STRN3: variants seen among roughly 807,000 people sequenced by gnomAD.
STRN3 encodes the protein striatin-3.
A neutral mutation model predicts 95.6 loss-of-function variants in STRN3; 29 were observed. That is an observed-to-expected ratio of 0.30 (90% CI 0.23 to 0.41). The LOEUF is 0.41. STRN3 is among the 10% of genes least tolerant of loss of function. STRN3 has a pLI of 1.00. For missense variants in STRN3, 890 were observed against 972.1 expected, an observed-to-expected ratio of 0.92 and a Z score of 1.12; for synonymous variants, 331 against 357.6, an observed-to-expected ratio of 0.93 and a Z score of 0.84.
intron 7 of STRN3, among the ~76,000 whole-genome samples, chr14:30,933,043 G>A (rs1313097587): frequency 6.6e-6 from 1 of 151,986 alleles, no homozygotes; most frequent in Non-Finnish European, 1.5e-5. Context: ...GGGAGGCCAA[G>A]GCAGGCAGAC....
At chr14:30,931,594 T>C (rs945108066) in intron 7 of STRN3, among the ~76,000 whole-genome samples, 22 of 152,354 alleles carry the variant, frequency 1.4e-4, no homozygotes, top group African/African-American at 4.6e-4. Context: ...CAGGTGCTAA[T>C]TGTATTTTGT....
chr14:30,980,052 A>G (rs942506450), intron 1 of STRN3, among the ~76,000 whole-genome samples: 41 of 151,100 alleles, frequency 2.7e-4, no homozygotes, highest in African/African-American at 9.9e-4. Context: ...GTTCTAGACC[A>G]TCCTGGCCAA....
At chr14:30,926,326 T>A (rs1361598073) in intron 8 of STRN3, among the ~76,000 whole-genome samples, 1 of 152,026 alleles carries the variant, frequency 6.6e-6, no homozygotes, top group Admixed American at 6.5e-5. Context: ...CTAAGTTAAA[T>A]ACACAAAAAT....
intron 1 of STRN3, among the ~76,000 whole-genome samples, chr14:30,980,173 A>G (rs1881320316): frequency 6.6e-6 from 1 of 151,846 alleles, no homozygotes; most frequent in South Asian, 2.1e-4. Flanking sequence ...TGAGCCCAAG[A>G]GGCGGAGGCT....
At position 30,894,145 on chromosome 14, in the gene STRN3, A is replaced by G. The variant is rs969557925; in HGVS notation, c.*1266T>C. On this transcript the variant is annotated 3_prime_UTR_variant, in exon 18 of 18. Coordinates refer to ENST00000357479, the MANE Select transcript of STRN3 (RefSeq NM_001083893.2). Reference sequence around the variant, plus strand: ...AAAATTAAGCACATCTAAAAAAATAAAACAGGGATAACTAGTCAAAACACA... The same window carrying G: ...AAAATTAAGCACATCTAAAAAAATAGAACAGGGATAACTAGTCAAAACACA... 1 of 152,596 alleles carries G rather than the reference A, an allele frequency of 6.6e-6. No homozygotes were observed. The highest frequency in any genetic ancestry group is 2.4e-5 in the African/African-American group (1 of 41,454). The allele number at this position is 152,596 out of a possible 1,614,324, so 9.5% of individuals were successfully genotyped here. A position where few individuals can be genotyped will look rare whatever the true frequency, so the allele number is the denominator to read the frequency against.
intron 9 of STRN3, among the ~76,000 whole-genome samples, chr14:30,916,783 A>C (rs1896751027): frequency 6.6e-6 from 1 of 152,178 alleles, no homozygotes; most frequent in Admixed American, 6.5e-5. Flanking sequence ...TTCATCAAGT[A>C]AGATAACAAT....
Position 30,990,699 on chromosome 14 carries a change from C to T in STRN3, c.283-34457G>A, listed in dbSNP as rs78629590. On this transcript the variant is annotated intron_variant, in intron 1 of 17. Coordinates refer to ENST00000357479, the MANE Select transcript of STRN3 (RefSeq NM_001083893.2). ...TCAGGACCCTCCTAGGATACCAAAA[C>T]GCAGAGATGCTCAAGCCCTTTATAT... 4.1e-3 allele frequency among the ~76,000 whole-genome samples: 623 copies of T among 152,274 alleles called. 1 individual carries two copies. The highest frequency in any genetic ancestry group is 5.6e-3 in the Non-Finnish European group (379 of 68,026).
intron 14 of STRN3, among the ~76,000 whole-genome samples, chr14:30,906,532 T>C (rs1896464623): frequency 6.6e-6 from 1 of 152,162 alleles, no homozygotes; most frequent in Non-Finnish European, 1.5e-5. Flanking sequence ...TTTATAGGTA[T>C]GCTTGAGACT....
intron 1 of STRN3, among the ~76,000 whole-genome samples, chr14:31,004,167 C>T (rs1305319668): frequency 6.6e-6 from 1 of 151,994 alleles, no homozygotes; most frequent in Admixed American, 6.6e-5. Context: ...CGCCTGTAGT[C>T]CCAGCTACTC....
At chr14:30,953,141 T>C (rs1879734634) in intron 3 of STRN3, among the ~76,000 whole-genome samples, 1 of 152,210 alleles carries the variant, frequency 6.6e-6, no homozygotes, top group South Asian at 2.1e-4. Context: ...ATGTTGAAAT[T>C]AGTTTCCATT....
In STRN3 at chr14:30,978,499, C is replaced by G. The variant is rs1237367555; in HGVS notation, c.283-22257G>C. Among the ~76,000 whole-genome samples, 6 of 152,188 alleles carry G rather than the reference C, an allele frequency of 3.9e-5. No individual in the cohort carries two copies. The East Asian group carries it at 1.2e-3, about 29-fold the overall frequency. ...AAGGATATCTATGAAAAACGTACAG[C>G]TAAATATCATATTTAATTATGAAAA... On this transcript the variant is annotated intron_variant, in intron 1 of 17. Transcript: ENST00000357479.
intron 1 of STRN3, among the ~76,000 whole-genome samples, chr14:30,993,912 G>T (rs926935353): frequency 6.7e-6 from 1 of 149,452 alleles, no homozygotes; most frequent in Admixed American, 6.7e-5. Context: ...TTTCACTCTT[G>T]TTGCCCAGGC....
intron 8 of STRN3, among the ~76,000 whole-genome samples, chr14:30,922,359 C>A (rs1046487307): frequency 6.6e-6 from 1 of 152,030 alleles, no homozygotes; most frequent in African/African-American, 2.4e-5. Flanking sequence ...TGAATACAAC[C>A]CACCTACCTC....
chr14:30,972,882 A>G (rs999842584), intron 1 of STRN3, among the ~76,000 whole-genome samples: 6 of 152,230 alleles, frequency 3.9e-5, no homozygotes, highest in African/African-American at 1.4e-4. Context: ...TACAGCAAAC[A>G]ACAGAGCTAT....
At chr14:30,941,426 G>A (rs1309916428) in intron 5 of STRN3, among the ~76,000 whole-genome samples, 1 of 152,142 alleles carries the variant, frequency 6.6e-6, no homozygotes, top group East Asian at 1.9e-4. Flanking sequence ...GAAAACAGGA[G>A]ACCTCAATGC....
rs1397026173 is a variant in STRN3, at chr14:30,984,142, C to CT, written c.283-27901_283-27900insA. ...CATCTTCCCCGCCCCCCCCAACCCC[C>CT]CCCCACACACAAAGGCCTATAAAAA... On this transcript the variant is annotated intron_variant, in intron 1 of 17. Transcript: ENST00000357479. Among the ~76,000 whole-genome samples, 7 of 137,284 alleles carry CT rather than the reference C, an allele frequency of 5.1e-5. No homozygotes were observed. The East Asian group carries it at 1.3e-3, about 26-fold the overall frequency. 90.1% of individuals were successfully genotyped at this position (137,284 alleles called of 152,430 possible). A position where few individuals can be genotyped will look rare whatever the true frequency, so the allele number is the denominator to read the frequency against.
intron 8 of STRN3, among the ~76,000 whole-genome samples, chr14:30,926,625 A>G (rs1041871035): frequency 6.6e-6 from 1 of 151,794 alleles, no homozygotes; most frequent in Non-Finnish European, 1.5e-5. Flanking sequence ...ATTACTTCTT[A>G]TAAGTACTTC....
Position 31,010,503 on chromosome 14 carries a change from T to G in STRN3, c.282+15401A>C, listed in dbSNP as rs988350172. 5.3e-5 allele frequency among the ~76,000 whole-genome samples: 8 copies of G among 151,768 alleles called. No homozygotes were observed. In the East Asian group the frequency reaches 1.5e-3, roughly 29 times the overall value. On this transcript the variant is annotated intron_variant, in intron 1 of 17. Coordinates refer to ENST00000357479, the MANE Select transcript of STRN3 (RefSeq NM_001083893.2). ...CTACTTTATAATGTTTGGTGGGTCA[T>G]TTTTTTAAAATAAGGAAAAATGTTT...
chr14:30,914,106 C>G (rs1055640577), intron 9 of STRN3, among the ~76,000 whole-genome samples: 4 of 152,110 alleles, frequency 2.6e-5, no homozygotes, highest in African/African-American at 7.2e-5. Context: ...AATAGGTTGT[C>G]ACCAAGTCCT....
Sources: allele counts gnomAD v4.1 joint callset (sites outside exome capture counted in the v4.1 genomes callset), GRCh38; gene constraint gnomAD v4.1.1; transcripts MANE v1.5; gene names NCBI Gene and HGNC (gene_info 2026-07-23, HGNC 2026-07-21).